The following KCTD8 variants were observed in gnomAD, a reference collection of about 807,000 sequenced individuals.
KCTD8 encodes the protein BTB/POZ domain-containing protein KCTD8.
KCTD8 carries 27 observed loss-of-function variants against 31.5 expected under a neutral mutation model. That is an observed-to-expected ratio of 0.86 (90% CI 0.63 to 1.18). The LOEUF is 1.18. Ranked by LOEUF, KCTD8 falls within the 50% of genes most tolerant of loss-of-function variation. The probability of loss-of-function intolerance (pLI) is 0.00; values close to 1 mark genes in which losing one functional copy is unlikely to be tolerated. For synonymous variants in KCTD8, 290 were observed against 280.0 expected, an observed-to-expected ratio of 1.04 and a Z score of -0.36; for missense variants, 658 against 647.7, an observed-to-expected ratio of 1.02 and a Z score of -0.17.
chr4:44,233,023 A>G (rs1300829038), intron 1 of KCTD8, among the ~76,000 whole-genome samples: 1 of 152,058 alleles, frequency 6.6e-6, no homozygotes, highest in Admixed American at 6.6e-5. Flanking sequence ...TATTTGATAA[A>G]TGTAAAATTT....
intron 1 of KCTD8, among the ~76,000 whole-genome samples, chr4:44,240,915 G>A (rs1715439477): frequency 6.6e-6 from 1 of 152,210 alleles, no homozygotes; most frequent in Admixed American, 6.5e-5. Context: ...GTCAGAAGGT[G>A]CTAAGAGGAA....
At chr4:44,443,572 G>C (rs879444738) in intron 1 of KCTD8, among the ~76,000 whole-genome samples, 4 of 152,116 alleles carry the variant, frequency 2.6e-5, no homozygotes, top group African/African-American at 4.8e-5. Flanking sequence ...TTAATTCCTA[G>C]ATCTGGCATT....
chr4:44,244,419 T>C (rs76715555), intron 1 of KCTD8, among the ~76,000 whole-genome samples: 4,617 of 152,208 alleles, frequency 0.03, 246 homozygotes, highest in African/African-American at 0.11. Context: ...AGAGGAGACC[T>C]CAGAGGAGGC....
At position 44,273,598 on chromosome 4, in the gene KCTD8, T is replaced by G. The variant is rs868203744; in HGVS notation, c.962-98348A>C. On this transcript the variant is annotated intron_variant, in intron 1 of 1. Coordinates refer to ENST00000360029, the MANE Select transcript of KCTD8 (RefSeq NM_198353.3). The stretch of plus-strand genomic sequence containing the variant: ...ATTTTCCTAAATTCAAAAGAAAAAT[T>G]TTCCTAAATTAAATTGCCAGAATAC... Among the ~76,000 whole-genome samples the G allele has an allele frequency of 1.3e-5, 2 of 152,006 alleles. 1 individual carries two copies. The highest frequency in any genetic ancestry group is 6.8e-3 in the Middle Eastern group (2 of 294).
intron 1 of KCTD8, among the ~76,000 whole-genome samples, chr4:44,204,192 G>GA (rs1225704919): frequency 2.0e-5 from 3 of 151,926 alleles, no homozygotes; most frequent in Non-Finnish European, 4.4e-5. Flanking sequence ...AAATTGGGAA[G>GA]AAAAAAACCT....
intron 1 of KCTD8, among the ~76,000 whole-genome samples, chr4:44,353,555 G>C (rs1270362316): frequency 6.6e-6 from 1 of 151,788 alleles, no homozygotes; most frequent in Non-Finnish European, 1.5e-5. Context: ...CCAAACACTA[G>C]GTTGCATTCC....
chr4:44,334,390 A>G (rs779372320), intron 1 of KCTD8, among the ~76,000 whole-genome samples: 64 of 148,190 alleles, frequency 4.3e-4, no homozygotes, highest in African/African-American at 1.4e-3. Context: ...ATTAAATTAT[A>G]CATGGTCAAA....
intron 1 of KCTD8, among the ~76,000 whole-genome samples, chr4:44,301,217 T>C (rs1253531889): frequency 6.6e-6 from 1 of 152,218 alleles, no homozygotes; most frequent in East Asian, 1.9e-4. Context: ...GTTATAGTCC[T>C]TTGGGTATAT....
chr4:44,329,570 G>A (rs1301647496), intron 1 of KCTD8, among the ~76,000 whole-genome samples: 2 of 151,854 alleles, frequency 1.3e-5, no homozygotes, highest in Admixed American at 6.6e-5. Flanking sequence ...CTATATAGAT[G>A]TAACACATCC....
intron 1 of KCTD8, among the ~76,000 whole-genome samples, chr4:44,185,389 C>T (rs919996038): frequency 1.3e-5 from 2 of 152,190 alleles, no homozygotes; most frequent in Non-Finnish European, 2.9e-5. Flanking sequence ...ATTCTCAATG[C>T]CATTGCTAAA....
intron 1 of KCTD8, among the ~76,000 whole-genome samples, chr4:44,310,169 G>T (rs1057429417): frequency 6.6e-6 from 1 of 152,056 alleles, no homozygotes; most frequent in African/African-American, 2.4e-5. Context: ...AACTTATGTA[G>T]TCCAGTGAAA....
At chr4:44,272,536 A>G (rs1234385493) in intron 1 of KCTD8, among the ~76,000 whole-genome samples, 1 of 152,060 alleles carries the variant, frequency 6.6e-6, no homozygotes, top group African/African-American at 2.4e-5. Context: ...TTTTGAAAAA[A>G]TTATAATCTA....
intron 1 of KCTD8, among the ~76,000 whole-genome samples, chr4:44,338,594 T>C (rs1718815489): frequency 6.6e-6 from 1 of 152,186 alleles, no homozygotes; most frequent in East Asian, 1.9e-4. Flanking sequence ...AACAGATACG[T>C]ATGGATGTGT....
chr4:44,240,964 A>G (rs1217048972), intron 1 of KCTD8, among the ~76,000 whole-genome samples: 2 of 152,218 alleles, frequency 1.3e-5, no homozygotes, highest in Admixed American at 6.5e-5. Context: ...TTCCTTCTCC[A>G]TGATCTCAGG....
intron 1 of KCTD8, among the ~76,000 whole-genome samples, chr4:44,401,601 T>G (rs1286050689): frequency 2.6e-5 from 4 of 152,194 alleles, no homozygotes; most frequent in South Asian, 2.1e-4. Context: ...TTAAGTCACC[T>G]TTGCACAAGT....
chr4:44,448,023 G>A lies in KCTD8; in HGVS notation c.501C>T (p.Asp167=), dbSNP rs372258987. Residue 167 remains aspartate (D), a synonymous_variant, in exon 1 of 2, where the codon GAC becomes GAT. Coordinates refer to ENST00000360029, the MANE Select transcript of KCTD8 (RefSeq NM_198353.3). This position sits in a 1 kb window ranked among gnomAD's most constrained non-coding sequence, Gnocchi z 4.1. ...CGTCGCTGCTACCCTGCGAGACGTT[G>A]TCCTCCAGGTCGCTCTGGCAGCCCT... ...NDEGCQSDLE[D]NVSQGSSDAL... The A allele has an allele frequency of 1.2e-6, 2 of 1,603,968 alleles. No homozygotes were observed. The highest frequency in any genetic ancestry group is 2.7e-5 in the African/African-American group (2 of 74,672).
At chr4:44,391,356 G>A (rs142953038) in intron 1 of KCTD8, among the ~76,000 whole-genome samples, 11 of 151,768 alleles carry the variant, frequency 7.2e-5, no homozygotes, top group East Asian at 5.9e-4. Flanking sequence ...AATTGTGCCC[G>A]CCTCTTCTGT....
chr4:44,409,326 C>G (rs1720896902), intron 1 of KCTD8, among the ~76,000 whole-genome samples: 2 of 151,712 alleles, frequency 1.3e-5, no homozygotes, highest in Admixed American at 1.3e-4. Context: ...TTTTATATAT[C>G]CAGAGAAAGA....
At chr4:44,199,518 A>G (rs1292546778) in intron 1 of KCTD8, among the ~76,000 whole-genome samples, 1 of 152,086 alleles carries the variant, frequency 6.6e-6, no homozygotes, top group African/African-American at 2.4e-5. Flanking sequence ...AAACTACACT[A>G]ATATGTGGAA....
Sources: allele counts gnomAD v4.1 joint callset (sites outside exome capture counted in the v4.1 genomes callset), GRCh38; gene constraint gnomAD v4.1.1; non-coding constraint Gnocchi (gnomAD v3.1); transcripts MANE v1.5; gene names NCBI Gene and HGNC (gene_info 2026-07-23, HGNC 2026-07-21).